The following LMTK2 variants were observed in gnomAD, a reference collection of about 807,000 sequenced individuals.
LMTK2 encodes lemur tail kinase 2.
Under a neutral mutation model 127.5 loss-of-function variants are expected in LMTK2, and 37 were observed. The observed-to-expected ratio is 0.29, with a 90% CI of 0.22 to 0.38. LMTK2 has a LOEUF of 0.38. LMTK2 is among the 10% of genes least tolerant of loss of function. The pLI is 1.00. For missense variants in LMTK2, 1,694 were observed against 1,920.3 expected, an observed-to-expected ratio of 0.88 and a Z score of 2.20; for synonymous variants, 819 against 810.1, an observed-to-expected ratio of 1.01 and a Z score of -0.19.
At position 98,159,360 on chromosome 7, in the gene LMTK2, C is replaced by T; in HGVS notation, c.592C>T (p.Leu198Phe). ...CAGCATTCTTCAGCATCCAAATATT[C>T]TTCAGTGTGTTGGACAGTGCGTAGA... is the stretch of plus-strand genomic sequence containing the variant. ...PYYILQHPNI[L>F]QCVGQCVEAI... The change falls in exon 6 of 14, where the codon CTT becomes TTT. Residue 198 changes from leucine to phenylalanine, a missense_variant. Around this residue, in one of 8 missense-constraint regions of LMTK2, gnomAD observed 203 missense variants for 226.2 expected, o/e 0.90. Transcript: ENST00000297293. 1 of 1,604,808 alleles carries T rather than the reference C, an allele frequency of 6.2e-7. No homozygotes were observed. The highest frequency in any genetic ancestry group is 8.5e-7 in the Non-Finnish European group (1 of 1,176,734).
Position 98,116,448 on chromosome 7 carries a change from G to A in LMTK2, c.103+9168G>A, listed in dbSNP as rs191403254. Among the ~76,000 whole-genome samples the A allele has an allele frequency of 3.6e-4, 54 of 151,934 alleles. No homozygotes were observed. In the East Asian group the frequency reaches 6.0e-3, roughly 17 times the overall value. Reference sequence around the variant, plus strand: ...TGCGTGTGTGTGTGTGTTTGTGTCCGCGTGTGTGTGTGTGAAGGAGAGGGT... The same window carrying A: ...TGCGTGTGTGTGTGTGTTTGTGTCCACGTGTGTGTGTGTGAAGGAGAGGGT... On this transcript the variant is annotated intron_variant, in intron 1 of 13. Transcript: ENST00000297293.
chr7:98,192,190 C>G lies in LMTK2; in HGVS notation c.1725C>G (p.Asp575Glu). 1 of 1,524,228 alleles carries G rather than the reference C, an allele frequency of 6.6e-7. No individual in the cohort carries two copies. Among genetic ancestry groups the G allele is most frequent in the Non-Finnish European group, 8.8e-7 (1 of 1,139,236 alleles). The allele number at this position is 1,524,228 out of a possible 1,614,324, so 94.4% of individuals were successfully genotyped here. A position where few individuals can be genotyped will look rare whatever the true frequency, so the allele number is the denominator to read the frequency against. ...ACCCACCAGCGCTGCTCACAACCGA[C>G]ATGGATAATCCAGAAAGGACTGGCC... is the stretch of plus-strand genomic sequence containing the variant. ...LDYPPALLTTDMDNPERTGPE... is the reference protein window; with the variant it reads ...LDYPPALLTTEMDNPERTGPE... Residue 575 changes from aspartate to glutamate, a missense_variant, in exon 11 of 14, where the codon GAC becomes GAG. Coordinates refer to ENST00000297293, the MANE Select transcript of LMTK2 (RefSeq NM_014916.4).
At chr7:98,158,356 C>T (rs1796959760) in intron 5 of LMTK2, among the ~76,000 whole-genome samples, 1 of 152,174 alleles carries the variant, frequency 6.6e-6, no homozygotes, top group Admixed American at 6.5e-5. Context: ...CTCACTGCAG[C>T]CTCCACCTCC....
At chr7:98,130,141 G>A (rs1293513374) in intron 1 of LMTK2, among the ~76,000 whole-genome samples, 2 of 152,172 alleles carry the variant, frequency 1.3e-5, no homozygotes, top group African/African-American at 4.8e-5. Flanking sequence ...CCATCTGGAA[G>A]GATGGAGAGA....
chr7:98,159,457 A>G, intron 6 of LMTK2, 32 bp downstream of exon 6: 1 of 1,400,388 alleles, frequency 7.1e-7, no homozygotes. Context: ...AAGTTCGAGT[A>G]TTCCAGAGGT....
chr7:98,150,307 CAAAAA>C (rs35422809), intron 3 of LMTK2, among the ~76,000 whole-genome samples: 1 of 117,000 alleles, frequency 8.5e-6, no homozygotes, highest in Non-Finnish European at 1.7e-5. Context: ...GACCCTGTCT[CAAAAA>C]AAAAAAAAAA....
rs973324981 is a variant in LMTK2, at chr7:98,204,500, C to T, written c.4483+314C>T. The stretch of plus-strand genomic sequence containing the variant: ...AAAATTAGCTGGATGTGGTGGTGTG[C>T]ACCTGCACTTCAGCTACTCAGGAGG... On this transcript the variant is annotated intron_variant, in intron 13 of 13. Coordinates refer to ENST00000297293, the MANE Select transcript of LMTK2 (RefSeq NM_014916.4). Among the ~76,000 whole-genome samples the T allele has an allele frequency of 4.8e-4, 73 of 151,998 alleles. 1 individual carries two copies. The highest frequency in any genetic ancestry group is 1.7e-3 in the African/African-American group (71 of 41,446).
intron 1 of LMTK2, among the ~76,000 whole-genome samples, chr7:98,125,093 G>C (rs1184728413): frequency 1.3e-5 from 2 of 152,040 alleles, no homozygotes; most frequent in African/African-American, 4.8e-5. Context: ...CACGAGGTCA[G>C]GAGATCGAGA....
rs764605057 is a variant in LMTK2, at chr7:98,192,739, G to A, written c.2274G>A (p.Met758Ile). Residue 758 changes from methionine to isoleucine, a missense_variant, in exon 11 of 14, where the codon ATG becomes ATA. Around this residue, in one of 8 missense-constraint regions of LMTK2, gnomAD observed 527 missense variants for 539.8 expected, o/e 0.98. Coordinates refer to ENST00000297293, the MANE Select transcript of LMTK2 (RefSeq NM_014916.4). ...ELKNAGFTEA[M>I]LETSCRNSLD... ...AGAATGCTGGTTTTACTGAAGCTAT[G>A]TTAGAAACGTCATGTAGAAACTCTT... is the stretch of plus-strand genomic sequence containing the variant. 3.2e-5 allele frequency: 51 copies of A among 1,613,238 alleles called. No homozygotes were observed. The Admixed American group carries it at 8.5e-4, about 27-fold the overall frequency.
chr7:98,194,346 C>A lies in LMTK2; in HGVS notation c.3881C>A (p.Ser1294Ter). Residue 1294 changes from serine to a stop codon, truncating the protein, a stop_gained, in exon 11 of 14, where the codon TCG (serine) becomes TAG (stop). Transcript: ENST00000297293. LOFTEE classifies it high-confidence loss of function. The surrounding 1 kb of genome is among the most constrained non-coding windows in gnomAD (Gnocchi z 5.4). Reference protein sequence around the residue: ...ADEEDENSDDSDEDLRAFNLH... With the variant: ...ADEEDENSDD ...GAGGAGGACGAAAACAGCGACGACT[C>A]GGACGAGGACCTGCGGGCCTTCAAC... The A allele has an allele frequency of 6.2e-7, 1 of 1,614,104 alleles. No individual in the cohort carries two copies. The highest frequency in any genetic ancestry group is 2.2e-5 in the East Asian group (1 of 44,874).
At chr7:98,150,769 A>G (rs1349221700) in intron 3 of LMTK2, among the ~76,000 whole-genome samples, 3 of 152,216 alleles carry the variant, frequency 2.0e-5, no homozygotes, top group African/African-American at 4.8e-5. Flanking sequence ...AGTACATACC[A>G]TATGATTCTG....
chr7:98,198,986 A>G (rs1032546389), intron 11 of LMTK2, among the ~76,000 whole-genome samples: 4 of 152,154 alleles, frequency 2.6e-5, no homozygotes, highest in Admixed American at 6.5e-5. Context: ...ATATAGTTTA[A>G]TAAGTATATT....
chr7:98,156,570 T>C lies in LMTK2; in HGVS notation c.569+1694T>C, dbSNP rs1287651057. 2.0e-5 allele frequency among the ~76,000 whole-genome samples: 3 copies of C among 152,096 alleles called. 1 individual carries two copies. The Middle Eastern group carries it at 9.6e-3, about 484-fold the overall frequency. Reference sequence around the variant, plus strand: ...CATTGCTTGTGGAAATGTAAAATGATAGAGCCACTGTAGAAAATAGCTTGG... The same window carrying C: ...CATTGCTTGTGGAAATGTAAAATGACAGAGCCACTGTAGAAAATAGCTTGG... On this transcript the variant is annotated intron_variant, in intron 5 of 13. Coordinates refer to ENST00000297293, the MANE Select transcript of LMTK2 (RefSeq NM_014916.4).
intron 4 of LMTK2, 90 bp from the exon 5 acceptor site, chr7:98,154,668 T>G: frequency 1.3e-6 from 1 of 791,754 alleles, no homozygotes; most frequent in Non-Finnish European, 2.2e-6. Context: ...TTGCTTAACT[T>G]GTTCACCTGT....
At chr7:98,125,120 G>A (rs922889422) in intron 1 of LMTK2, among the ~76,000 whole-genome samples, 1 of 152,040 alleles carries the variant, frequency 6.6e-6, no homozygotes, top group Non-Finnish European at 1.5e-5. Context: ...TGGCTAACAT[G>A]GTGAAACCCC....
intron 7 of LMTK2, among the ~76,000 whole-genome samples, chr7:98,184,653 C>T (rs1307930411): frequency 6.6e-6 from 1 of 152,076 alleles, no homozygotes; most frequent in Non-Finnish European, 1.5e-5. Context: ...CCACCTTGGA[C>T]ACATGTCGTC....
chr7:98,121,829 C>T (rs573475952), intron 1 of LMTK2, among the ~76,000 whole-genome samples: 30 of 151,768 alleles, frequency 2.0e-4, no homozygotes, highest in African/African-American at 7.0e-4. Context: ...GGCAAGACCT[C>T]GACGCTACAA....
chr7:98,138,632 G>A (rs770502223), intron 2 of LMTK2, among the ~76,000 whole-genome samples: 12 of 152,208 alleles, frequency 7.9e-5, no homozygotes, highest in Non-Finnish European at 1.5e-4. Flanking sequence ...CACAGTTGTC[G>A]GTGGACAGTT....
At chr7:98,187,303 G>A (rs1797450620) in intron 9 of LMTK2, among the ~76,000 whole-genome samples, 1 of 152,148 alleles carries the variant, frequency 6.6e-6, no homozygotes, top group Non-Finnish European at 1.5e-5. Context: ...TGTATTTATT[G>A]AAGTGAAAGA....
Sources: allele counts gnomAD v4.1 joint callset (sites outside exome capture counted in the v4.1 genomes callset), GRCh38; gene constraint gnomAD v4.1.1; regional missense constraint gnomAD v4.1.1; non-coding constraint Gnocchi (gnomAD v3.1); transcripts MANE v1.5; gene names NCBI Gene and HGNC (gene_info 2026-07-23, HGNC 2026-07-21).